The following BFSP1 variants were observed in gnomAD, a reference collection of about 807,000 sequenced individuals.
The protein encoded by BFSP1 is filensin.
Under a neutral mutation model 43.9 loss-of-function variants are expected in BFSP1, and 38 were observed. The observed-to-expected ratio is 0.87, with a 90% CI of 0.67 to 1.14. The LOEUF (loss-of-function observed/expected upper bound fraction) is 1.14, where lower values mean the gene tolerates loss of function less well. Ranked by LOEUF, BFSP1 falls within the 50% of genes most tolerant of loss-of-function variation. BFSP1 has a pLI of 0.00. For synonymous variants in BFSP1, 352 were observed against 354.8 expected (o/e 0.99, Z 0.09); for missense variants, 850 against 875.1 (o/e 0.97, Z 0.36).
At chr20:17,563,076 G>A (rs967005577), upstream of BFSP1, 6 of 152,194 alleles carry the variant, frequency 3.9e-5, no homozygotes, top group Non-Finnish European at 7.3e-5. Context: ...CCCAAGGAAC[G>A]TCTCTTCACC....
At chr20:17,543,336 T>C (rs74388897) in intron 1 of BFSP1, among the ~76,000 whole-genome samples, 212 of 152,338 alleles carry the variant, frequency 1.4e-3, no homozygotes, top group African/African-American at 4.9e-3. Flanking sequence ...AAATGTTGTC[T>C]TTCACATTAG....
At chr20:17,543,114 T>C (rs2034745799) in intron 1 of BFSP1, among the ~76,000 whole-genome samples, 1 of 152,336 alleles carries the variant, frequency 6.6e-6, no homozygotes, top group African/African-American at 2.4e-5. Flanking sequence ...ACTCCTCTAC[T>C]GAAACAAAAA....
chr20:17,550,221 G>A (rs1396793036), intron 1 of BFSP1, among the ~76,000 whole-genome samples: 1 of 152,220 alleles, frequency 6.6e-6, no homozygotes, highest in African/African-American at 2.4e-5. Context: ...AGAGAACAGT[G>A]AGAAGAGAAA....
intron 5 of BFSP1, among the ~76,000 whole-genome samples, chr20:17,505,492 C>G (rs1403713400): frequency 6.6e-6 from 1 of 152,252 alleles, no homozygotes; most frequent in African/African-American, 2.4e-5. Context: ...TGCCACGGCC[C>G]TGGTGCTAGC....
At chr20:17,503,872 G>A (rs1207816951) in intron 5 of BFSP1, among the ~76,000 whole-genome samples, 1 of 152,154 alleles carries the variant, frequency 6.6e-6, no homozygotes, top group South Asian at 2.1e-4. Context: ...CTCCTTGCAG[G>A]TTTTCACTTA....
At chr20:17,538,447 C>T (rs1237310285) in intron 1 of BFSP1, among the ~76,000 whole-genome samples, 1 of 152,108 alleles carries the variant, frequency 6.6e-6, no homozygotes, top group East Asian at 1.9e-4. Context: ...CTCAAAATCC[C>T]AACACCTCCA....
rs150316539 is a variant in BFSP1, at chr20:17,541,739, C to T, written c.3-16831G>A. Among the ~76,000 whole-genome samples the T allele has an allele frequency of 4.5e-3, 683 of 152,286 alleles. 12 individuals are homozygous for T. The highest frequency in any genetic ancestry group is 0.019 in the East Asian group (97 of 5,188). Reference sequence around the variant, plus strand: ...ACCGAAAACAAAATCCATTACAAAGCGTAGCATCCAAGTTGGATATGGGTT... The same window carrying T: ...ACCGAAAACAAAATCCATTACAAAGTGTAGCATCCAAGTTGGATATGGGTT... On this transcript the variant is annotated intron_variant, in intron 1 of 7. Transcript: ENST00000377868.
In BFSP1 at chr20:17,496,933, G is replaced by A. The variant is rs534991481; in HGVS notation, c.1042+5C>T. On this transcript the variant is annotated splice_donor_5th_base_variant and intron_variant, in intron 7 of 7. Transcript: ENST00000377873. ...AAACAGAAGTCCAGTGTTGGGGAGC[G>A]TTACCTTTCCCACCGGATCCAGTGC... 1.8e-4 allele frequency: 280 copies of A among 1,530,712 alleles called. 1 individual carries two copies. In the South Asian group the frequency reaches 2.6e-3, roughly 14 times the overall value. The allele number at this position is 1,530,712 out of a possible 1,614,324, so 94.8% of individuals were successfully genotyped here. A position where few individuals can be genotyped will look rare whatever the true frequency, so the allele number is the denominator to read the frequency against.
intron 1 of BFSP1, among the ~76,000 whole-genome samples, chr20:17,547,987 G>T (rs1175421738): frequency 6.7e-6 from 1 of 148,962 alleles, no homozygotes; most frequent in Non-Finnish European, 1.5e-5. Context: ...GACCTCAGGG[G>T]ATCTGCCTGC....
In BFSP1 at chr20:17,507,419, T is replaced by A. The variant is rs2033964980; in HGVS notation, c.735+1470A>T. ...TTCTTATTATATTTTAGTCTAGCATTTTGTTGACTTCCTTTTACATGCCAG... is the reference window on the plus strand; with the variant it reads ...TTCTTATTATATTTTAGTCTAGCATATTGTTGACTTCCTTTTACATGCCAG... On this transcript the variant is annotated intron_variant, in intron 5 of 7. Transcript: ENST00000377873. The surrounding 1 kb of genome is among the most constrained non-coding windows in gnomAD (Gnocchi z 4.4). Among the ~76,000 whole-genome samples the A allele has an allele frequency of 6.6e-6, 1 of 152,138 alleles. No homozygotes were observed. Among genetic ancestry groups the A allele is most frequent in the South Asian group, 2.1e-4 (1 of 4,822 alleles).
rs11087214 is a variant in BFSP1, at chr20:17,564,363, T to TA, written n.51-1269dup. Among the ~76,000 whole-genome samples the TA allele has an allele frequency of 1.3e-3, 173 of 137,144 alleles. 1 individual carries two copies. Among genetic ancestry groups the TA allele is most frequent in the African/African-American group, 3.8e-3 (141 of 36,790 alleles). 90.0% of individuals were successfully genotyped at this position (137,144 alleles called of 152,430 possible). On this transcript the variant is annotated intron_variant and non_coding_transcript_variant, in intron 1 of 6. Coordinates refer to the BFSP1 transcript ENST00000473415. Reference sequence around the variant, plus strand: ...GCCTGGGTGAGAGTGAGAACCTGGCTAAAAAAAAAAAAAAAAATGAAGAAA... The same window carrying TA: ...GCCTGGGTGAGAGTGAGAACCTGGCTAAAAAAAAAAAAAAAAAATGAAGAAA...
intron 1 of BFSP1, chr20:17,558,552 T>C: frequency 1.1e-6 from 1 of 915,382 alleles, no homozygotes; most frequent in South Asian, 1.7e-5. Context: ...TTTTAGAAAT[T>C]TCCATGAGTC....
upstream of BFSP1, among the ~76,000 whole-genome samples, chr20:17,559,334 C>A (rs376467280): frequency 7.9e-5 from 12 of 152,296 alleles, no homozygotes; most frequent in Non-Finnish European, 1.5e-4. Flanking sequence ...TAAGAGACTG[C>A]GTTAGTATTA....
intron 2 of BFSP1, among the ~76,000 whole-genome samples, chr20:17,521,588 C>T (rs994956894): frequency 2.0e-4 from 31 of 152,144 alleles, no homozygotes; most frequent in African/African-American, 7.5e-4. Flanking sequence ...CCAGCTGATG[C>T]GATGTGAATT....
chr20:17,533,897 GTC>G (rs1342901537), upstream of BFSP1, among the ~76,000 whole-genome samples: 2 of 152,178 alleles, frequency 1.3e-5, no homozygotes, highest in African/African-American at 4.8e-5. Flanking sequence ...ACAAAATCAA[GTC>G]TCTGCCCTCA....
rs1275907152 is a variant in BFSP1 at position 17,507,895 on chromosome 20, T to C, written c.735+994A>G. The stretch of plus-strand genomic sequence containing the variant: ...GAGAGCTGCTGCACTGTGAGTTTTG[T>C]GTGGTGCGTGCTGGGATGGGAATTA... On this transcript the variant is annotated intron_variant, in intron 5 of 7. Transcript: ENST00000377873. The surrounding 1 kb of genome is among the most constrained non-coding windows in gnomAD (Gnocchi z 4.4). Among the ~76,000 whole-genome samples the C allele has an allele frequency of 6.6e-6, 1 of 152,062 alleles. No individual in the cohort carries two copies. Among genetic ancestry groups the C allele is most frequent in the Non-Finnish European group, 1.5e-5 (1 of 68,010 alleles).
intron 1 of BFSP1, among the ~76,000 whole-genome samples, chr20:17,548,872 A>G (rs2034849695): frequency 6.6e-6 from 1 of 152,212 alleles, no homozygotes; most frequent in South Asian, 2.1e-4. Context: ...CAGTGGTGTG[A>G]TCATAGCTCA....
chr20:17,561,221 G>T (rs2035064144), upstream of BFSP1, among the ~76,000 whole-genome samples: 1 of 152,200 alleles, frequency 6.6e-6, no homozygotes, highest in African/African-American at 2.4e-5. Flanking sequence ...CATGGAGGTT[G>T]GGCATGGTGG....
chr20:17,551,443 C>T (rs151013371), intron 1 of BFSP1, among the ~76,000 whole-genome samples: 2,097 of 152,300 alleles, frequency 0.014, 45 homozygotes, highest in African/African-American at 0.048. Flanking sequence ...GATCCAATCA[C>T]CTCCCACCAG....
Sources: gnomAD v4.1 joint callset for allele counts (sites outside exome capture counted in the v4.1 genomes callset) on GRCh38, gnomAD v4.1.1 for gene constraint, Gnocchi (gnomAD v3.1) non-coding constraint, MANE v1.5 for transcripts, NCBI Gene and HGNC (gene_info 2026-07-23, HGNC 2026-07-21) for gene names.